Variants in GSE1 observed in about 807,000 individuals in gnomAD.
GSE1 encodes genetic suppressor element 1.
GSE1 carries 32 observed loss-of-function variants against 112.6 expected under a neutral mutation model. The ratio of observed to expected loss-of-function variants is 0.28; its 90% CI spans 0.21 to 0.38. The LOEUF (loss-of-function observed/expected upper bound fraction) is 0.38. GSE1 is among the 10% of genes least tolerant of loss of function. The pLI, the probability that GSE1 is intolerant of heterozygous loss-of-function variation, is 1.00. For missense variants in GSE1, 2,348 were observed against 1,699.2 expected (o/e 1.38, Z -6.71); for synonymous variants, 1,115 against 735.6 (o/e 1.52, Z -8.35).
intron 2 of GSE1, among the ~76,000 whole-genome samples, chr16:85,361,332 CA>C (rs1409548486): frequency 2.1e-5 from 3 of 142,304 alleles, no homozygotes; most frequent in South Asian, 2.4e-4. Flanking sequence ...CACACAAACA[CA>C]CACACACACA....
chr16:85,616,696 C>T (rs940167802), intron 1 of GSE1, among the ~76,000 whole-genome samples: 2 of 152,002 alleles, frequency 1.3e-5, no homozygotes, highest in African/African-American at 4.8e-5. Flanking sequence ...TTAATTCCTC[C>T]CCCAGTGGAG....
rs574535270 is a variant in GSE1, at chr16:85,577,550, G to C, written c.37+21187G>C. Among the ~76,000 whole-genome samples the C allele has an allele frequency of 8.8e-4, 134 of 152,250 alleles. 1 individual carries two copies. The highest frequency in any genetic ancestry group is 3.0e-3 in the African/African-American group (124 of 41,556). ...ACCTGCATGGGCTCATTTCTCCTTC[G>C]CACTAGCCCAGGAGGCAGCGCTGCG... On this transcript the variant is annotated intron_variant, in intron 1 of 2. Transcript: ENST00000635906.
chr16:85,465,146 G>A (rs62050427), intron 2 of GSE1, among the ~76,000 whole-genome samples: 38,460 of 152,196 alleles, frequency 0.25, 5,914 homozygotes, highest in Non-Finnish European at 0.34. Flanking sequence ...CGGTCACTCC[G>A]ATATCCAGGA....
chr16:85,271,485 C>T (rs34585609), intron 1 of GSE1, among the ~76,000 whole-genome samples: 13,211 of 152,220 alleles, frequency 0.087, 688 homozygotes, highest in East Asian at 0.26. Context: ...TTGGAGTCAG[C>T]AGTAGGACTT....
At chr16:85,430,498 C>T (rs771778900) in intron 2 of GSE1, among the ~76,000 whole-genome samples, 28 of 152,174 alleles carry the variant, frequency 1.8e-4, no homozygotes, top group Non-Finnish European at 1.8e-4. Context: ...CAAGGGAGCC[C>T]GGCCTGGGAA....
chr16:85,614,861 T>A (rs1270407668), intron 1 of GSE1, among the ~76,000 whole-genome samples: 1 of 152,092 alleles, frequency 6.6e-6, no homozygotes, highest in Non-Finnish European at 1.5e-5. Context: ...AGGGCTCCTT[T>A]TGTAAAAGGC....
intron 1 of GSE1, among the ~76,000 whole-genome samples, chr16:85,344,029 A>T (rs1181224670): frequency 6.6e-6 from 1 of 152,058 alleles, no homozygotes; most frequent in Non-Finnish European, 1.5e-5. Flanking sequence ...TCCTTACATA[A>T]CTCAGATACG....
At chr16:85,432,589 A>C (rs1249796913) in intron 2 of GSE1, among the ~76,000 whole-genome samples, 1 of 152,176 alleles carries the variant, frequency 6.6e-6, no homozygotes, top group African/African-American at 2.4e-5. Context: ...GGCAGGTGTC[A>C]TTTGTGGGGC....
intron 1 of GSE1, among the ~76,000 whole-genome samples, chr16:85,570,811 C>T (rs1352863147): frequency 2.0e-5 from 3 of 152,240 alleles, no homozygotes; most frequent in Non-Finnish European, 2.9e-5. Context: ...ACAGGATTCT[C>T]TCGAAGACCC....
intron 2 of GSE1, among the ~76,000 whole-genome samples, chr16:85,508,396 T>C (rs2051614635): frequency 6.6e-6 from 1 of 152,198 alleles, no homozygotes; most frequent in South Asian, 2.1e-4. Flanking sequence ...AGCTTCTACC[T>C]AGCCCCTGCT....
rs1555559922 is a variant in GSE1, at chr16:85,312,216, G to GGA, written c.2284-45246_2284-45245dup. 8.0e-5 allele frequency among the ~76,000 whole-genome samples: 12 copies of GGA among 150,596 alleles called. 1 individual carries two copies. The highest frequency in any genetic ancestry group is 2.9e-4 in the African/African-American group (12 of 40,716). ...TCTGATCCTCTTGCGGGGGGGGGGG[G>GGA]GACACACTTACCCCCAAACCCTAAA... On this transcript the variant is annotated intron_variant, in intron 1 of 2. Coordinates refer to the GSE1 transcript ENST00000637419.
intron 2 of GSE1, among the ~76,000 whole-genome samples, chr16:85,479,188 A>AT (rs59825091): frequency 0.056 from 4,605 of 82,284 alleles, 346 homozygotes; most frequent in African/African-American, 0.13. Flanking sequence ...TGCCCGGCTA[A>AT]TTTTTTTTTT....
intron 1 of GSE1, among the ~76,000 whole-genome samples, chr16:85,339,178 C>T (rs1014185051): frequency 4.6e-5 from 7 of 152,174 alleles, no homozygotes; most frequent in Admixed American, 4.6e-4. Context: ...TAGCCAGGCC[C>T]GTAGTAGTTC....
intron 1 of GSE1, chr16:85,595,284 C>T (rs1459474270): frequency 6.6e-6 from 1 of 152,274 alleles, no homozygotes; most frequent in East Asian, 1.9e-4. Flanking sequence ...TACCTGGGGT[C>T]TTCTAGCATT....
At chr16:85,612,255 G>A (rs2048039082), upstream of GSE1, among the ~76,000 whole-genome samples, 1 of 151,880 alleles carries the variant, frequency 6.6e-6, no homozygotes, top group South Asian at 2.1e-4. Context: ...GCGGGGCGGG[G>A]CGGGGCGGGG....
At chr16:85,320,058 G>A (rs543725960) in intron 1 of GSE1, among the ~76,000 whole-genome samples, 1 of 152,192 alleles carries the variant, frequency 6.6e-6, no homozygotes, top group Non-Finnish European at 1.5e-5. Flanking sequence ...ATAATGACAG[G>A]CCCCACATTT....
intron 1 of GSE1, among the ~76,000 whole-genome samples, chr16:85,331,359 GTGTGTGTA>G (rs1476707156): frequency 5.0e-4 from 27 of 54,508 alleles, no homozygotes; most frequent in South Asian, 1.6e-3. Context: ...GTGTGTGTGT[GTGTGTGTA>G]TATATGTATA....
intron 2 of GSE1, among the ~76,000 whole-genome samples, chr16:85,450,275 T>C (rs570717907): frequency 3.3e-5 from 5 of 151,574 alleles, no homozygotes; most frequent in Non-Finnish European, 5.9e-5. Context: ...TATGCCACCA[T>C]GCCTGGCTAA....
intron 1 of GSE1, among the ~76,000 whole-genome samples, chr16:85,299,600 C>T (rs2045461714): frequency 6.6e-6 from 1 of 152,190 alleles, no homozygotes; most frequent in African/African-American, 2.4e-5. Context: ...CCGTTCTCTG[C>T]AGAAATTAAG....
Sources: allele counts gnomAD v4.1 joint callset (sites outside exome capture counted in the v4.1 genomes callset), GRCh38; gene constraint gnomAD v4.1.1; transcripts MANE v1.5; gene names NCBI Gene and HGNC (gene_info 2026-07-23, HGNC 2026-07-21).